Variants in DET1 observed in about 807,000 individuals in gnomAD.
DET1 encodes the protein DET1 partner of COP1 E3 ubiquitin ligase.
DET1 carries 22 observed loss-of-function variants against 43.7 expected under a neutral mutation model. The ratio of observed to expected loss-of-function variants is 0.50; its 90% CI spans 0.36 to 0.72. The LOEUF is 0.72. Ranked by LOEUF, DET1 falls within the 30% of genes least tolerant of loss-of-function variation. The probability of loss-of-function intolerance (pLI) is 0.00; values close to 1 mark genes in which losing one functional copy is unlikely to be tolerated. For missense variants in DET1, 713 were observed against 713.3 expected, an observed-to-expected ratio of 1.00 and a Z score of 0.00; for synonymous variants, 315 against 266.2, an observed-to-expected ratio of 1.18 and a Z score of -1.79.
At chr15:88,535,793 G>GA (rs1161209358) in intron 1 of DET1, among the ~76,000 whole-genome samples, 1 of 145,972 alleles carries the variant, frequency 6.9e-6, no homozygotes, top group Non-Finnish European at 1.5e-5. Context: ...GAAGGAAGGG[G>GA]AAAAAAAGAA....
intron 7 of DET1, chr15:88,505,379 A>T (rs1197529358): frequency 2.0e-5 from 3 of 152,256 alleles, no homozygotes; most frequent in Non-Finnish European, 4.4e-5. Flanking sequence ...CCAAAAAAAC[A>T]CCTCCTGCTT....
At chr15:88,520,987 A>T (rs541933563) in intron 3 of DET1, among the ~76,000 whole-genome samples, 2 of 152,358 alleles carry the variant, frequency 1.3e-5, no homozygotes, top group Non-Finnish European at 2.9e-5. Flanking sequence ...CTGTTAAAAC[A>T]TAAGTGAGAC....
At chr15:88,541,167 G>A (rs2057095976) in intron 1 of DET1, among the ~76,000 whole-genome samples, 1 of 125,240 alleles carries the variant, frequency 8.0e-6, no homozygotes, top group Non-Finnish European at 1.6e-5. Flanking sequence ...CAGCAATACT[G>A]CTTTGTAAAG....
rs1288060136 is a variant in DET1 at position 88,512,631 on chromosome 15, G to A, written c.*320C>T. The A allele has an allele frequency of 6.5e-6, 7 of 1,075,908 alleles. No individual in the cohort carries two copies. Among genetic ancestry groups the A allele is most frequent in the Non-Finnish European group, 7.9e-6 (7 of 888,340 alleles). 66.6% of individuals were successfully genotyped at this position (1,075,908 alleles called of 1,614,324 possible). A position where few individuals can be genotyped will look rare whatever the true frequency, so the allele number is the denominator to read the frequency against. ...ATAATGCCGAAGAAGTGACATGAAG[G>A]GGATAAAAGTCTAATGCTTTCATCT... On this transcript the variant is annotated 3_prime_UTR_variant, in exon 5 of 5. Coordinates refer to ENST00000268148, the MANE Select transcript of DET1 (RefSeq NM_001144074.3).
intron 1 of DET1, among the ~76,000 whole-genome samples, chr15:88,542,255 ACCT>A (rs1262366472): frequency 6.6e-6 from 1 of 151,806 alleles, no homozygotes; most frequent in Non-Finnish European, 1.5e-5. Flanking sequence ...GAAGCTAGAG[ACCT>A]CCTGGAGGAG....
chr15:88,539,861 T>G (rs550794062), intron 1 of DET1, among the ~76,000 whole-genome samples: 2 of 152,316 alleles, frequency 1.3e-5, no homozygotes, highest in East Asian at 3.9e-4. Flanking sequence ...AAACCGGTGG[T>G]GGGTTCAAAA....
intron 1 of DET1, among the ~76,000 whole-genome samples, chr15:88,544,132 A>G (rs1053902983): frequency 1.3e-5 from 2 of 152,174 alleles, no homozygotes; most frequent in Non-Finnish European, 2.9e-5. Flanking sequence ...CAGGGTGATA[A>G]TACACCTGCC....
chr15:88,527,808 G>T, intron 2 of DET1, 22 bp from the exon 3 acceptor site: 1 of 1,550,922 alleles, frequency 6.4e-7, no homozygotes, highest in Non-Finnish European at 8.7e-7. Flanking sequence ...AAGAGAGAGA[G>T]GTATGGGACA....
At chr15:88,518,105 ATTT>A (rs11327620) in intron 3 of DET1, among the ~76,000 whole-genome samples, 1 of 133,388 alleles carries the variant, frequency 7.5e-6, no homozygotes, top group Admixed American at 7.7e-5. Flanking sequence ...CACCCAGCTA[ATTT>A]TTTTTTTTTT....
In DET1 at chr15:88,515,538, TATAAAAAAAAAAA is replaced by T. The variant is rs1375933794; in HGVS notation, c.1463+1231_1463+1243del. Among the ~76,000 whole-genome samples, 44 of 47,480 alleles carry T rather than the reference TATAAAAAAAAAAA, an allele frequency of 9.3e-4. 1 individual carries two copies. The highest frequency in any genetic ancestry group is 5.1e-3 in the Admixed American group (14 of 2,720). The allele number at this position is 47,480 out of a possible 152,430, so 31.1% of individuals were successfully genotyped here. ...TGGGCAACAGACAGAGACTCCGTCT[TATAAAAAAAAAAA>T]AAAAAAAAAAAAAAAAAGACCGAAG... is the stretch of plus-strand genomic sequence containing the variant. On this transcript the variant is annotated intron_variant, in intron 4 of 4. Coordinates refer to ENST00000268148, the MANE Select transcript of DET1 (RefSeq NM_001144074.3).
At chr15:88,506,705 A>G in intron 7 of DET1, among the ~76,000 whole-genome samples, 1 of 152,174 alleles carries the variant, frequency 6.6e-6, no homozygotes, top group East Asian at 1.9e-4. Flanking sequence ...TTCTTTTAAA[A>G]ATTATCTAAT....
chr15:88,543,017 A>G (rs1296678418), intron 1 of DET1, among the ~76,000 whole-genome samples: 1 of 152,240 alleles, frequency 6.6e-6, no homozygotes, highest in Non-Finnish European at 1.5e-5. Flanking sequence ...AAGCCCTTGT[A>G]TACTGCTATA....
In DET1 at chr15:88,515,538, TATAA is replaced by T. The variant is rs1343077526; in HGVS notation, c.1463+1240_1463+1243del. On this transcript the variant is annotated intron_variant, in intron 4 of 4. Transcript: ENST00000268148. ...TGGGCAACAGACAGAGACTCCGTCT[TATAA>T]AAAAAAAAAAAAAAAAAAAAAAAAA... is the stretch of plus-strand genomic sequence containing the variant. 1.4e-3 allele frequency among the ~76,000 whole-genome samples: 66 copies of T among 47,478 alleles called. 1 individual carries two copies. The highest frequency in any genetic ancestry group is 5.7e-3 in the African/African-American group (58 of 10,224). The allele number at this position is 47,478 out of a possible 152,430, so 31.1% of individuals were successfully genotyped here.
chr15:88,509,777 G>A (rs115627109), downstream of DET1, among the ~76,000 whole-genome samples: 1,422 of 152,350 alleles, frequency 9.3e-3, 23 homozygotes, highest in African/African-American at 0.032. Context: ...AAGCTCCCTT[G>A]CTTGTTAAGT....
rs113178959 is a variant in DET1, at chr15:88,542,002, C to T, written c.-11+4538G>A. ...TCCTCCAGGTGATGAGCGCTCAGCC[C>T]CCTTCCTGTTTTATGTCCCTTTTTC... On this transcript the variant is annotated intron_variant, in intron 1 of 4. Coordinates refer to ENST00000268148, the MANE Select transcript of DET1 (RefSeq NM_001144074.3). Among the ~76,000 whole-genome samples the T allele has an allele frequency of 3.3e-3, 502 of 152,202 alleles. 1 individual carries two copies. The highest frequency in any genetic ancestry group is 0.011 in the African/African-American group (459 of 41,526).
chr15:88,514,696 G>A lies in DET1; in HGVS notation c.1464-1556C>T, dbSNP rs147776462. ...CAGACTACAAAAAATGATGCTAACC[G>A]TGATTACAACTGTGTAAATGTAAAT... is the stretch of plus-strand genomic sequence containing the variant. On this transcript the variant is annotated intron_variant, in intron 4 of 4. Coordinates refer to ENST00000268148, the MANE Select transcript of DET1 (RefSeq NM_001144074.3). 1.9e-3 allele frequency among the ~76,000 whole-genome samples: 294 copies of A among 152,226 alleles called. 1 individual carries two copies. The highest frequency in any genetic ancestry group is 6.8e-3 in the African/African-American group (283 of 41,538).
Position 88,516,583 on chromosome 15 carries a change from G to A in DET1, c.1463+199C>T. On this transcript the variant is annotated intron_variant, in intron 4 of 4. Coordinates refer to ENST00000268148, the MANE Select transcript of DET1 (RefSeq NM_001144074.3). This position sits in a 1 kb window ranked among gnomAD's most constrained non-coding sequence, Gnocchi z 4.4. The stretch of plus-strand genomic sequence containing the variant: ...TCTGAATTAGATGTTCTGATGAGAA[G>A]CAAAGAGTAGGAATAATTTAGGAGA... 6.6e-6 allele frequency among the ~76,000 whole-genome samples: 1 copy of A among 152,206 alleles called. No homozygotes were observed. The highest frequency in any genetic ancestry group is 1.9e-4 in the East Asian group (1 of 5,198).
At chr15:88,534,301 C>T (rs1159805183) in intron 1 of DET1, among the ~76,000 whole-genome samples, 2 of 152,154 alleles carry the variant, frequency 1.3e-5, no homozygotes, top group Non-Finnish European at 2.9e-5. Flanking sequence ...TCAAACACCA[C>T]CTTCTCTCTC....
At chr15:88,535,636 G>C (rs191578181) in intron 1 of DET1, among the ~76,000 whole-genome samples, 40 of 152,044 alleles carry the variant, frequency 2.6e-4, no homozygotes, top group African/African-American at 8.9e-4. Flanking sequence ...TGCACTTGTA[G>C]TCACAGCTAC....
Sources: gnomAD v4.1 joint callset for allele counts (sites outside exome capture counted in the v4.1 genomes callset) on GRCh38, gnomAD v4.1.1 for gene constraint, Gnocchi (gnomAD v3.1) non-coding constraint, MANE v1.5 for transcripts, NCBI Gene and HGNC (gene_info 2026-07-23, HGNC 2026-07-21) for gene names.